Variants in WASF3 observed in about 807,000 individuals in gnomAD.
WASF3 encodes the protein actin-binding protein WASF3.
WASF3 carries 11 observed loss-of-function variants against 46.6 expected under a neutral mutation model. The ratio of observed to expected loss-of-function variants is 0.24; its 90% CI spans 0.15 to 0.39. The LOEUF (loss-of-function observed/expected upper bound fraction) is 0.39, where lower values mean the gene tolerates loss of function less well. Ranked by LOEUF, WASF3 falls within the 10% of genes least tolerant of loss-of-function variation. WASF3 has a pLI of 1.00. For missense variants in WASF3, 576 were observed against 669.8 expected, an observed-to-expected ratio of 0.86 and a Z score of 1.55; for synonymous variants, 242 against 259.7, an observed-to-expected ratio of 0.93 and a Z score of 0.65.
chr13:26,605,778 C>T (rs957386945), intron 1 of WASF3, among the ~76,000 whole-genome samples: 4 of 152,150 alleles, frequency 2.6e-5, no homozygotes, highest in Admixed American at 6.5e-5. Flanking sequence ...ATATTTACTA[C>T]GGATTTCTAA....
In WASF3 at chr13:26,680,268, A is replaced by T. The variant is rs899037404; in HGVS notation, c.717-786A>T. ...CCCCTGCTTCTGCCGCCATGAGAGG[A>T]TGTACAGCCCCTCCTGGCCACATGT... On this transcript the variant is annotated intron_variant, in intron 7 of 9. Coordinates refer to ENST00000335327, the MANE Select transcript of WASF3 (RefSeq NM_006646.6). 3 of 1,481,218 alleles carry T rather than the reference A, an allele frequency of 2.0e-6. No homozygotes were observed. In the East Asian group the frequency reaches 6.9e-5, roughly 34 times the overall value. The allele number at this position is 1,481,218 out of a possible 1,614,324, so 91.8% of individuals were successfully genotyped here.
upstream of WASF3, among the ~76,000 whole-genome samples, chr13:26,554,080 C>CTTTCT (rs1323423541): frequency 4.8e-4 from 25 of 52,454 alleles, no homozygotes; most frequent in East Asian, 2.6e-3. Context: ...TCCTTCCTTC[C>CTTTCT]TTCCTTCCTT....
chr13:26,564,855 C>G (rs921890719), intron 1 of WASF3, among the ~76,000 whole-genome samples: 4 of 147,550 alleles, frequency 2.7e-5, no homozygotes, highest in African/African-American at 1.0e-4. Context: ...CTACTACCAT[C>G]ACTTATTTTC....
At chr13:26,673,328 C>CG (rs1379998868) in intron 6 of WASF3, among the ~76,000 whole-genome samples, 3 of 152,148 alleles carry the variant, frequency 2.0e-5, no homozygotes, top group African/African-American at 7.2e-5. Context: ...TTGTCTCATT[C>CG]TACCTTCCTC....
chr13:26,554,895 C>T (rs1019532022), upstream of WASF3, among the ~76,000 whole-genome samples: 1 of 152,104 alleles, frequency 6.6e-6, no homozygotes, highest in Non-Finnish European at 1.5e-5. Context: ...TGGGTAAATA[C>T]CTAGGAGTGT....
intron 2 of WASF3, among the ~76,000 whole-genome samples, chr13:26,633,741 T>C (rs1881729486): frequency 6.6e-6 from 1 of 152,226 alleles, no homozygotes; most frequent in South Asian, 2.1e-4. Context: ...CTTCATTTCG[T>C]TATGTACCCA....
intron 2 of WASF3, chr13:26,641,479 G>A (rs1881995352): frequency 6.6e-6 from 1 of 152,264 alleles, no homozygotes; most frequent in Non-Finnish European, 1.5e-5. Flanking sequence ...AGTGTTGCTA[G>A]GGAAGAAAGC....
Position 26,687,675 on chromosome 13 carries a change from G to C in WASF3, c.*1830G>C, listed in dbSNP as rs1165485364. On this transcript the variant is annotated 3_prime_UTR_variant, in exon 10 of 10. Transcript: ENST00000335327. ...GTCACTATAAATTCCTTGAATATAAGTAACAGTTATTAATGAACTTCTAAA... is the reference window on the plus strand; with the variant it reads ...GTCACTATAAATTCCTTGAATATAACTAACAGTTATTAATGAACTTCTAAA... 6.6e-6 allele frequency: 1 copy of C among 150,678 alleles called. No individual in the cohort carries two copies. The highest frequency in any genetic ancestry group is 2.4e-5 in the African/African-American group (1 of 41,074). The allele number at this position is 150,678 out of a possible 1,614,324, so 9.3% of individuals were successfully genotyped here. A position where few individuals can be genotyped will look rare whatever the true frequency, so the allele number is the denominator to read the frequency against.
intron 3 of WASF3, 123 bp downstream of exon 3, chr13:26,642,526 G>T: frequency 8.4e-7 from 1 of 1,194,150 alleles, no homozygotes; most frequent in Non-Finnish European, 1.1e-6. Context: ...TTCTCCTTCT[G>T]TATTTCCCAG....
chr13:26,609,524 G>C (rs2137218281), intron 1 of WASF3: 1 of 143,130 alleles, frequency 7.0e-6, no homozygotes, highest in Non-Finnish European at 1.5e-5. Context: ...GGCTTGACTT[G>C]TGGTCTGTGA....
intron 1 of WASF3, among the ~76,000 whole-genome samples, chr13:26,559,842 A>G (rs1879240144): frequency 1.6e-5 from 1 of 63,460 alleles, no homozygotes; most frequent in Non-Finnish European, 2.9e-5. Context: ...TTTGAGACGG[A>G]GTCTTGCTCT....
chr13:26,559,820 T>TCTTTC (rs748976709), intron 1 of WASF3, among the ~76,000 whole-genome samples: 40 of 67,558 alleles, frequency 5.9e-4, no homozygotes, highest in South Asian at 1.2e-3. Flanking sequence ...TTTTTTTTTT[T>TCTTTC]TTTTTTTTTT....
At chr13:26,617,906 C>T (rs1351557103) in intron 2 of WASF3, among the ~76,000 whole-genome samples, 1 of 152,052 alleles carries the variant, frequency 6.6e-6, no homozygotes, top group Non-Finnish European at 1.5e-5. Flanking sequence ...TTGGTAGTTC[C>T]TCCTGCATTC....
intron 1 of WASF3, among the ~76,000 whole-genome samples, chr13:26,558,261 C>T (rs541441189): frequency 1.3e-5 from 2 of 152,236 alleles, no homozygotes; most frequent in African/African-American, 4.8e-5. Context: ...TCTGCGCGCC[C>T]TCGCTGGTTC....
upstream of WASF3, among the ~76,000 whole-genome samples, chr13:26,557,535 A>T (rs1280550748): frequency 6.6e-6 from 1 of 152,084 alleles, no homozygotes; most frequent in African/African-American, 2.4e-5. Flanking sequence ...ACCGTCGCTC[A>T]GCGCGCTCGC....
intron 1 of WASF3, among the ~76,000 whole-genome samples, chr13:26,597,552 T>C (rs1313161417): frequency 6.6e-6 from 1 of 152,184 alleles, no homozygotes; most frequent in African/African-American, 2.4e-5. Flanking sequence ...TACATATGTA[T>C]ATATGTGCCA....
At chr13:26,609,404 T>C (rs947285350) in intron 1 of WASF3, 9 of 152,050 alleles carry the variant, frequency 5.9e-5, no homozygotes, top group Non-Finnish European at 1.2e-4. Context: ...TGAAATTACC[T>C]GCACTCATAT....
intron 9 of WASF3, among the ~76,000 whole-genome samples, chr13:26,683,991 C>T (rs1357970087): frequency 1.3e-5 from 2 of 152,196 alleles, no homozygotes; most frequent in African/African-American, 4.8e-5. Flanking sequence ...GTTTAGTCAT[C>T]TCATCTGGAA....
rs78655633 is a variant in WASF3 at position 26,622,012 on chromosome 13, G to A, written c.-11+8954G>A. On this transcript the variant is annotated intron_variant, in intron 2 of 9. Coordinates refer to ENST00000335327, the MANE Select transcript of WASF3 (RefSeq NM_006646.6). ...ATGGGCCCTGGCTACTTTTGCTTGG[G>A]TCACTTTCATTCCGAGGGCAAAACT... is the stretch of plus-strand genomic sequence containing the variant. Among the ~76,000 whole-genome samples, 314 of 152,208 alleles carry A rather than the reference G, an allele frequency of 2.1e-3. 4 individuals are homozygous for A. In the East Asian group the frequency reaches 0.056, roughly 27 times the overall value.
Sources: gnomAD v4.1 joint callset for allele counts (sites outside exome capture counted in the v4.1 genomes callset) on GRCh38, gnomAD v4.1.1 for gene constraint, MANE v1.5 for transcripts, NCBI Gene and HGNC (gene_info 2026-07-23, HGNC 2026-07-21) for gene names.